Variants in TTC28 observed in about 807,000 individuals in gnomAD.
TTC28 encodes tetratricopeptide repeat domain 28.
Under a neutral mutation model 198.0 loss-of-function variants are expected in TTC28, and 61 were observed. That is an observed-to-expected ratio of 0.31 (90% CI 0.25 to 0.38). The LOEUF (loss-of-function observed/expected upper bound fraction) is 0.38. Among genes scored for constraint, TTC28 ranks in the 10% least tolerant of loss-of-function variants. The pLI is 1.00. For synonymous variants in TTC28, 1,171 were observed against 1,297.8 expected (o/e 0.90, Z 2.10); for missense variants, 2,678 against 3,164.0 (o/e 0.85, Z 3.69).
chr22:28,173,687 G>GT (rs1232178644), intron 5 of TTC28, among the ~76,000 whole-genome samples: 1 of 152,180 alleles, frequency 6.6e-6, no homozygotes, highest in Non-Finnish European at 1.5e-5. Flanking sequence ...TAAAACCAGA[G>GT]TAAGAAATTT....
chr22:28,617,944 G>C (rs2050927775), intron 2 of TTC28, among the ~76,000 whole-genome samples: 1 of 152,162 alleles, frequency 6.6e-6, no homozygotes, highest in Non-Finnish European at 1.5e-5. Flanking sequence ...AGTCGGCCCA[G>C]TCCAGAAGAG....
intron 2 of TTC28, among the ~76,000 whole-genome samples, chr22:28,564,021 C>G (rs1235421106): frequency 6.6e-6 from 1 of 152,048 alleles, no homozygotes; most frequent in Non-Finnish European, 1.5e-5. Context: ...ACACTAAGTG[C>G]AAGAAACCAG....
intron 2 of TTC28, among the ~76,000 whole-genome samples, chr22:28,422,877 T>C (rs1316970383): frequency 6.6e-6 from 1 of 152,246 alleles, no homozygotes; most frequent in Non-Finnish European, 1.5e-5. Context: ...TTAAAATATG[T>C]ATTGTTAACA....
At chr22:28,629,493 GTAA>G in intron 2 of TTC28, 56 bp downstream of exon 2, 2 of 1,440,728 alleles carry the variant, frequency 1.4e-6, no homozygotes, top group Non-Finnish European at 1.8e-6. Context: ...TTACATTAAA[GTAA>G]GAAGCCAGGA....
intron 6 of TTC28, among the ~76,000 whole-genome samples, chr22:28,113,971 G>A (rs890868819): frequency 6.6e-6 from 1 of 152,134 alleles, no homozygotes; most frequent in Non-Finnish European, 1.5e-5. Context: ...TATGTCTATG[G>A]GACAACAGTA....
intron 5 of TTC28, among the ~76,000 whole-genome samples, chr22:28,186,952 T>A (rs889185901): frequency 6.6e-6 from 1 of 152,210 alleles, no homozygotes; most frequent in African/African-American, 2.4e-5. Context: ...TTATATCATT[T>A]CTAATTACAC....
chr22:28,010,041 G>C (rs1202687159), intron 14 of TTC28, among the ~76,000 whole-genome samples: 1 of 152,156 alleles, frequency 6.6e-6, no homozygotes, highest in Non-Finnish European at 1.5e-5. Flanking sequence ...TGTATTTGTA[G>C]ATATCAGGAA....
In TTC28 at chr22:28,059,973, A is replaced by T. The variant is rs540587873; in HGVS notation, c.3933-29607T>A. Among the ~76,000 whole-genome samples, 37 of 150,142 alleles carry T rather than the reference A, an allele frequency of 2.5e-4. No individual in the cohort carries two copies. In the South Asian group the frequency reaches 7.5e-3, roughly 31 times the overall value. ...GAGATTTTGGTTCTGCTTTTTAAAAAATCCATTTAACAATGTCCTTTAATT... is the reference window on the plus strand; with the variant it reads ...GAGATTTTGGTTCTGCTTTTTAAAATATCCATTTAACAATGTCCTTTAATT... On this transcript the variant is annotated intron_variant, in intron 12 of 22. Coordinates refer to ENST00000397906, the MANE Select transcript of TTC28 (RefSeq NM_001145418.2).
chr22:28,147,681 CA>C (rs1282430003), intron 6 of TTC28, among the ~76,000 whole-genome samples: 3 of 152,158 alleles, frequency 2.0e-5, no homozygotes, highest in African/African-American at 7.2e-5. Flanking sequence ...GATTTCTAAA[CA>C]GGAATAATAA....
intron 8 of TTC28, 109 bp downstream of exon 8, chr22:28,105,170 A>C (rs372540497): frequency 1.2e-5 from 15 of 1,202,580 alleles, no homozygotes; most frequent in African/African-American, 7.6e-5. Context: ...CCCTTACTCC[A>C]CACAGAGGTG....
intron 12 of TTC28, among the ~76,000 whole-genome samples, chr22:28,093,159 T>C (rs1436762034): frequency 5.3e-5 from 8 of 152,176 alleles, no homozygotes; most frequent in Non-Finnish European, 1.2e-4. Flanking sequence ...TCAATAATCA[T>C]TTTTCACCTA....
intron 12 of TTC28, among the ~76,000 whole-genome samples, chr22:28,065,126 G>A (rs1373822970): frequency 6.6e-6 from 1 of 152,158 alleles, no homozygotes; most frequent in Non-Finnish European, 1.5e-5. Context: ...GGCAGCAGCT[G>A]CAAAACCTCA....
chr22:28,490,006 T>A (rs1017003433), intron 2 of TTC28, among the ~76,000 whole-genome samples: 1 of 152,090 alleles, frequency 6.6e-6, no homozygotes, highest in Admixed American at 6.6e-5. Context: ...GCAGGAAGCA[T>A]CCAGCACGGG....
chr22:28,040,308 C>T (rs547053632), intron 12 of TTC28, among the ~76,000 whole-genome samples: 29 of 152,298 alleles, frequency 1.9e-4, no homozygotes, highest in African/African-American at 7.0e-4. Flanking sequence ...AGGCCAATAT[C>T]CCTGATGAAC....
At chr22:28,635,109 C>T (rs1468217928) in intron 1 of TTC28, among the ~76,000 whole-genome samples, 1 of 152,080 alleles carries the variant, frequency 6.6e-6, no homozygotes, top group Non-Finnish European at 1.5e-5. Context: ...ATCACGAGGT[C>T]AGGAGATCGA....
chr22:28,555,520 G>C (rs1378669518), intron 2 of TTC28, among the ~76,000 whole-genome samples: 1 of 152,106 alleles, frequency 6.6e-6, no homozygotes. Context: ...GCCATAAAAA[G>C]GAATGAAATA....
chr22:27,999,621 A>T (rs1937619789), intron 15 of TTC28: 1 of 218,760 alleles, frequency 4.6e-6, no homozygotes. Context: ...TGGCTCCTAA[A>T]TAAGAGGAAA....
intron 2 of TTC28, among the ~76,000 whole-genome samples, chr22:28,598,550 G>A (rs891552707): frequency 2.0e-5 from 3 of 146,608 alleles, no homozygotes; most frequent in Non-Finnish European, 4.5e-5. Context: ...AAGCACTACT[G>A]TATGGAGGTA....
chr22:28,568,718 G>A (rs955855945), intron 2 of TTC28, among the ~76,000 whole-genome samples: 1 of 152,070 alleles, frequency 6.6e-6, no homozygotes, highest in Non-Finnish European at 1.5e-5. Context: ...CAAATAAATG[G>A]AAAAACATTC....
Sources: gnomAD v4.1 joint callset for allele counts (sites outside exome capture counted in the v4.1 genomes callset) on GRCh38, gnomAD v4.1.1 for gene constraint, MANE v1.5 for transcripts, NCBI Gene and HGNC (gene_info 2026-07-23, HGNC 2026-07-21) for gene names.